Variants in ASIC4 observed in about 807,000 individuals in gnomAD.
ASIC4 encodes the protein acid sensing ion channel subunit family member 4, also known as acid-sensing ion channel 4.
Under a neutral mutation model 53.4 loss-of-function variants are expected in ASIC4, and 28 were observed. The observed-to-expected ratio is 0.52, with a 90% confidence interval of 0.39 to 0.72. ASIC4 has a LOEUF of 0.72. Ranked by LOEUF, ASIC4 falls within the 30% of genes least tolerant of loss-of-function variation. The pLI is 0.00. For missense variants in ASIC4, 649 were observed against 729.7 expected (o/e 0.89, Z 1.27); for synonymous variants, 289 against 301.4 (o/e 0.96, Z 0.43).
intron 1 of ASIC4, among the ~76,000 whole-genome samples, chr2:219,521,540 G>A (rs1694884670): frequency 6.6e-6 from 1 of 152,138 alleles, no homozygotes; most frequent in South Asian, 2.1e-4. Flanking sequence ...GGAGAGGCAG[G>A]GGCACCCAGG....
intron 1 of ASIC4, among the ~76,000 whole-genome samples, chr2:219,519,482 A>G (rs1044127001): frequency 6.6e-6 from 1 of 152,100 alleles, no homozygotes; most frequent in Admixed American, 6.5e-5. Flanking sequence ...CATTCTATCC[A>G]GCCCTCCAAA....
At chr2:219,526,638 G>A (rs1319080753) in intron 1 of ASIC4, among the ~76,000 whole-genome samples, 1 of 152,006 alleles carries the variant, frequency 6.6e-6, no homozygotes, top group Non-Finnish European at 1.5e-5. Context: ...CTGAGATCAG[G>A]AAACAGAGGC....
At position 219,537,697 on chromosome 2, in the gene ASIC4, G is replaced by A. The variant is rs746582181; in HGVS notation, c.1467G>A (p.Gly489=). Residue 489 remains glycine (G), a synonymous_variant, in exon 9 of 10, where the codon GGG becomes GGA. Transcript: ENST00000358078. The surrounding 1 kb of genome is among the most constrained non-coding windows in gnomAD (Gnocchi z 4.9). ...RPKTPLRTST[G]GISTLGLQEL... is the part of the protein sequence containing the mutation. Reference sequence around the variant, plus strand: ...AGACCCCCCTGCGGACCTCCACTGGGGGCATCTCCACTTTGGGGCTTCAGG... The same window carrying A: ...AGACCCCCCTGCGGACCTCCACTGGAGGCATCTCCACTTTGGGGCTTCAGG... 5 of 1,614,086 alleles carry A rather than the reference G, an allele frequency of 3.1e-6. No individual in the cohort carries two copies. Among genetic ancestry groups the A allele is most frequent in the Middle Eastern group, 1.7e-4 (1 of 6,060 alleles).
intron 1 of ASIC4, among the ~76,000 whole-genome samples, chr2:219,529,473 C>T (rs754576749): frequency 6.6e-6 from 1 of 152,048 alleles, no homozygotes; most frequent in Admixed American, 6.5e-5. Context: ...CAGGAGGGAA[C>T]GAGGAATGGG....
At chr2:219,527,599 T>C (rs1230698537) in intron 1 of ASIC4, among the ~76,000 whole-genome samples, 2 of 152,216 alleles carry the variant, frequency 1.3e-5, no homozygotes, top group Non-Finnish European at 2.9e-5. Flanking sequence ...AAGCACCTAC[T>C]GTGCTTTGAC....
At chr2:219,532,176 G>T (rs1695053170) in intron 3 of ASIC4, 48 bp downstream of exon 3, 33 of 1,609,896 alleles carry the variant, frequency 2.0e-5, no homozygotes, top group Non-Finnish European at 2.8e-5. Context: ...GCTCGCCTTT[G>T]GGCTCAGAGG....
chr2:219,518,114 T>C lies in ASIC4; in HGVS notation c.582+2808T>C, dbSNP rs1428992436. 6.6e-6 allele frequency among the ~76,000 whole-genome samples: 1 copy of C among 152,190 alleles called. No homozygotes were observed. Among genetic ancestry groups the C allele is most frequent in the Non-Finnish European group, 1.5e-5 (1 of 68,028 alleles). On this transcript the variant is annotated intron_variant, in intron 1 of 9. Transcript: ENST00000358078. This position sits in a 1 kb window ranked among gnomAD's most constrained non-coding sequence, Gnocchi z 4.8. The stretch of plus-strand genomic sequence containing the variant: ...CAGTCAATCAATCAACATGGAGTTC[T>C]GGGTGCCTACTATGTGTTGGGCTCC...
At chr2:219,519,103 A>G (rs1307884840) in intron 1 of ASIC4, among the ~76,000 whole-genome samples, 1 of 151,978 alleles carries the variant, frequency 6.6e-6, no homozygotes, top group East Asian at 1.9e-4. Context: ...ATGGGGTTTC[A>G]CTGTGTTAGC....
chr2:219,521,413 C>A (rs1169856207), intron 1 of ASIC4, among the ~76,000 whole-genome samples: 1 of 152,248 alleles, frequency 6.6e-6, no homozygotes, highest in Non-Finnish European at 1.5e-5. Flanking sequence ...TGCCCGCACT[C>A]CTTCCTGGAC....
Position 219,537,180 on chromosome 2 carries a change from C to T in ASIC4, c.1321+23C>T, listed in dbSNP as rs2105982336. 1 of 1,613,124 alleles carries T rather than the reference C, an allele frequency of 6.2e-7. No individual in the cohort carries two copies. The highest frequency in any genetic ancestry group is 2.2e-5 in the East Asian group (1 of 44,852). On this transcript the variant is annotated intron_variant, in intron 7 of 9. Transcript: ENST00000358078. This position sits in a 1 kb window ranked among gnomAD's most constrained non-coding sequence, Gnocchi z 4.9. The stretch of plus-strand genomic sequence containing the variant: ...TGGGTGAGACTGGTGTCCCTGCCCC[C>T]AGCTTGTGTGGGGGTGGATCGGCCC...
chr2:219,514,243 G>A, upstream of ASIC4: 2 of 1,364,828 alleles, frequency 1.5e-6, no homozygotes, highest in Non-Finnish European at 1.9e-6. Context: ...CCTGGGCTGG[G>A]GACTGCCCCC....
chr2:219,507,307 G>C, the ASIC4 span, among the ~76,000 whole-genome samples: 1 of 152,210 alleles, frequency 6.6e-6, no homozygotes. Flanking sequence ...TTTTGGTTGG[G>C]CAGCAGGCAG....
intron 1 of ASIC4, among the ~76,000 whole-genome samples, chr2:219,519,272 A>C (rs187205483): frequency 7.2e-5 from 11 of 152,224 alleles, no homozygotes; most frequent in Admixed American, 2.0e-4. Context: ...CCTGGCACAC[A>C]CATCGTATAC....
At chr2:219,519,813 G>C (rs965823288) in intron 1 of ASIC4, among the ~76,000 whole-genome samples, 1 of 152,162 alleles carries the variant, frequency 6.6e-6, no homozygotes, top group African/African-American at 2.4e-5. Flanking sequence ...GGTAGCTGCG[G>C]GCTGTGACTG....
upstream of ASIC4, among the ~76,000 whole-genome samples, chr2:219,513,449 T>G (rs1694727762): frequency 6.7e-6 from 1 of 149,670 alleles, no homozygotes; most frequent in African/African-American, 2.5e-5. Flanking sequence ...CCCTTAGGGC[T>G]CTCCTGCCCC....
chr2:219,536,720 G>A lies in ASIC4; in HGVS notation c.1230-346G>A, dbSNP rs1695143801. On this transcript the variant is annotated intron_variant, in intron 6 of 9. Transcript: ENST00000358078. This position sits in a 1 kb window ranked among gnomAD's most constrained non-coding sequence, Gnocchi z 4.6. ...CACCGGCTGCCCAGGACACCGAGAAGGGGCATTGTGGAGTGGACTGACGGG... is the reference window on the plus strand; with the variant it reads ...CACCGGCTGCCCAGGACACCGAGAAAGGGCATTGTGGAGTGGACTGACGGG... Among the ~76,000 whole-genome samples the A allele has an allele frequency of 6.6e-6, 1 of 152,174 alleles. No individual in the cohort carries two copies. Among genetic ancestry groups the A allele is most frequent in the East Asian group, 1.9e-4 (1 of 5,172 alleles).
In ASIC4 at chr2:219,537,903, G is replaced by C. The variant is rs1421948054; in HGVS notation, c.1507-30G>C. The C allele has an allele frequency of 1.3e-6, 2 of 1,562,944 alleles. No homozygotes were observed. Among genetic ancestry groups the C allele is most frequent in the African/African-American group, 2.7e-5 (2 of 74,118 alleles). On this transcript the variant is annotated intron_variant, in intron 9 of 9. Coordinates refer to ENST00000358078, the MANE Select transcript of ASIC4 (RefSeq NM_018674.6). This position sits in a 1 kb window ranked among gnomAD's most constrained non-coding sequence, Gnocchi z 4.9. ...TGGGGGCACCACTTGAGCTCTCCCG[G>C]TCCCACTCTCTCTTTTCTTTCTCCT...
the ASIC4 span, among the ~76,000 whole-genome samples, chr2:219,507,788 G>C: frequency 5.9e-5 from 9 of 152,046 alleles, no homozygotes; most frequent in East Asian, 7.7e-4. Context: ...GGGGTGCAGG[G>C]CATGGGTGGG....
chr2:219,532,663 G>A (rs138872028), intron 4 of ASIC4, 186 bp downstream of exon 4: 35 of 892,772 alleles, frequency 3.9e-5, no homozygotes, highest in East Asian at 2.1e-4. Flanking sequence ...TGGGAATGCC[G>A]GCATGCAGAT....
Sources: allele counts gnomAD v4.1 joint callset (sites outside exome capture counted in the v4.1 genomes callset), GRCh38; gene constraint gnomAD v4.1.1; non-coding constraint Gnocchi (gnomAD v3.1); transcripts MANE v1.5; gene names NCBI Gene and HGNC (gene_info 2026-07-23, HGNC 2026-07-21).